Variants in MARCHF1 observed in about 807,000 individuals in gnomAD.
MARCHF1 encodes membrane associated ring-CH-type finger 1.
MARCHF1 carries 40 observed loss-of-function variants against 54.2 expected under a neutral mutation model. The observed-to-expected ratio is 0.74, with a 90% CI of 0.57 to 0.96. MARCHF1 has a LOEUF of 0.96. MARCHF1 is among the 40% of genes least tolerant of loss of function. The pLI is 0.00. For missense variants in MARCHF1, 586 were observed against 656.5 expected (o/e 0.89, Z 1.17); for synonymous variants, 236 against 236.3 (o/e 1.00, Z 0.01).
At chr4:163,593,500 C>T (rs1740658737) in intron 7 of MARCHF1, among the ~76,000 whole-genome samples, 1 of 152,114 alleles carries the variant, frequency 6.6e-6, no homozygotes, top group South Asian at 2.1e-4. Flanking sequence ...AAAAATTATG[C>T]AGTTATAACC....
chr4:163,782,604 G>T (rs1330739199), intron 4 of MARCHF1, among the ~76,000 whole-genome samples: 1 of 150,644 alleles, frequency 6.6e-6, no homozygotes, highest in Non-Finnish European at 1.5e-5. Context: ...GGGAGGGAGA[G>T]GTTGCAGGGA....
chr4:163,753,540 T>G (rs1013805082), intron 4 of MARCHF1, among the ~76,000 whole-genome samples: 2 of 151,942 alleles, frequency 1.3e-5, no homozygotes, highest in African/African-American at 4.8e-5. Flanking sequence ...AAACCTGGGA[T>G]GGGGGGTGAG....
rs116777335 is a variant in MARCHF1, at chr4:164,204,609, G to C, written c.-322-92947C>G. Among the ~76,000 whole-genome samples, 484 of 152,294 alleles carry C rather than the reference G, an allele frequency of 3.2e-3. 1 individual carries two copies. Among genetic ancestry groups the C allele is most frequent in the African/African-American group, 0.011 (459 of 41,566 alleles). On this transcript the variant is annotated intron_variant, in intron 1 of 9. Transcript: ENST00000514618. Reference sequence around the variant, plus strand: ...CTAACCATTTTGTGTGAAAAACTTTGTGCCTAATGAAATATGCAAGAAGCT... The same window carrying C: ...CTAACCATTTTGTGTGAAAAACTTTCTGCCTAATGAAATATGCAAGAAGCT...
chr4:163,923,536 T>C (rs1265919377), intron 3 of MARCHF1, among the ~76,000 whole-genome samples: 1 of 152,138 alleles, frequency 6.6e-6, no homozygotes. Flanking sequence ...AGGCTAGTTA[T>C]GATACTTAGG....
chr4:163,661,774 C>T (rs1743350648), intron 5 of MARCHF1, among the ~76,000 whole-genome samples: 1 of 152,000 alleles, frequency 6.6e-6, no homozygotes, highest in African/African-American at 2.4e-5. Flanking sequence ...ATCTTCTTTC[C>T]TCTCCCTTTT....
chr4:164,109,928 A>AAAG (rs1755797836), intron 2 of MARCHF1, among the ~76,000 whole-genome samples: 1 of 149,630 alleles, frequency 6.7e-6, no homozygotes, highest in Admixed American at 6.7e-5. Flanking sequence ...AAAAAAAAAA[A>AAAG]AAAAAAAAGA....
intron 1 of MARCHF1, among the ~76,000 whole-genome samples, chr4:164,275,467 G>T (rs140618514): frequency 2.0e-5 from 3 of 152,244 alleles, no homozygotes; most frequent in Non-Finnish European, 2.9e-5. Context: ...TGGGGGAAAG[G>T]TTAAAAACCC....
chr4:164,011,616 G>T (rs2110943746), intron 2 of MARCHF1, among the ~76,000 whole-genome samples: 1 of 152,262 alleles, frequency 6.6e-6, no homozygotes, highest in East Asian at 1.9e-4. Context: ...CAAAGAAACA[G>T]TTAATAACAG....
intron 1 of MARCHF1, among the ~76,000 whole-genome samples, chr4:164,266,788 T>C (rs1007742284): frequency 2.7e-5 from 4 of 148,580 alleles, no homozygotes; most frequent in Non-Finnish European, 5.9e-5. Flanking sequence ...CATTTGTGCT[T>C]TAGTATAACA....
chr4:163,607,876 G>A (rs904267632), intron 7 of MARCHF1, among the ~76,000 whole-genome samples: 4 of 152,054 alleles, frequency 2.6e-5, no homozygotes, highest in African/African-American at 7.2e-5. Context: ...GTGGGTCCAG[G>A]AATCTGCATT....
chr4:164,110,301 G>C (rs1172786806), intron 2 of MARCHF1, among the ~76,000 whole-genome samples: 1 of 151,334 alleles, frequency 6.6e-6, no homozygotes, highest in African/African-American at 2.4e-5. Flanking sequence ...AAACCACTGG[G>C]GCACCCTTTA....
chr4:164,288,246 G>A (rs1734199230), intron 1 of MARCHF1, among the ~76,000 whole-genome samples: 1 of 151,950 alleles, frequency 6.6e-6, no homozygotes, highest in Non-Finnish European at 1.5e-5. Flanking sequence ...AAATCTTACC[G>A]CAAAAGCTAG....
At chr4:163,742,408 T>A (rs1272507841) in intron 4 of MARCHF1, among the ~76,000 whole-genome samples, 1 of 133,554 alleles carries the variant, frequency 7.5e-6, no homozygotes, top group Non-Finnish European at 1.6e-5. Flanking sequence ...CCTTCCTTCC[T>A]TCCTTCCTTC....
intron 2 of MARCHF1, among the ~76,000 whole-genome samples, chr4:164,064,634 T>C (rs1754689140): frequency 6.6e-6 from 1 of 152,204 alleles, no homozygotes; most frequent in African/African-American, 2.4e-5. Flanking sequence ...TTGGATGCCC[T>C]TTATTTCTTT....
intron 4 of MARCHF1, among the ~76,000 whole-genome samples, chr4:163,814,205 A>G (rs1748471725): frequency 6.6e-6 from 1 of 151,974 alleles, no homozygotes; most frequent in African/African-American, 2.4e-5. Flanking sequence ...TCACATTCTC[A>G]CCACCTGTTT....
At chr4:163,986,249 C>CCTTTTTTTTTTTTTTTTTTTTT (rs1752864138) in intron 3 of MARCHF1, among the ~76,000 whole-genome samples, 1 of 28,830 alleles carries the variant, frequency 3.5e-5, no homozygotes, top group Non-Finnish European at 7.7e-5. Context: ...TTAACCTCTT[C>CCTTTTTTTTTTTTTTTTTTTTT]TTTTTTTTTT....
rs535176667 is a variant in MARCHF1 at position 163,803,777 on chromosome 4, C to A, written c.111+50244G>T. ...AAAAAGGAAAATACAGTGTTTGATC[C>A]CAATAGTCAAGAGTATACTTTGGCA... On this transcript the variant is annotated intron_variant, in intron 4 of 9. Transcript: ENST00000514618. Among the ~76,000 whole-genome samples, 8 of 151,982 alleles carry A rather than the reference C, an allele frequency of 5.3e-5. No individual in the cohort carries two copies. In the South Asian group the frequency reaches 1.7e-3, roughly 32 times the overall value.
At chr4:164,382,847 C>A (rs1731414471) in intron 1 of MARCHF1, among the ~76,000 whole-genome samples, 1 of 152,112 alleles carries the variant, frequency 6.6e-6, no homozygotes, top group African/African-American at 2.4e-5. Flanking sequence ...CTTTTTTCGT[C>A]AAACCCACAG....
intron 1 of MARCHF1, among the ~76,000 whole-genome samples, chr4:164,313,622 AAATAAC>A (rs1734925054): frequency 6.6e-6 from 1 of 152,140 alleles, no homozygotes; most frequent in Non-Finnish European, 1.5e-5. Context: ...CTTCCTCCCT[AAATAAC>A]AATATTAGCA....
Sources: gnomAD v4.1 joint callset for allele counts (sites outside exome capture counted in the v4.1 genomes callset) on GRCh38, gnomAD v4.1.1 for gene constraint, MANE v1.5 for transcripts, NCBI Gene and HGNC (gene_info 2026-07-23, HGNC 2026-07-21) for gene names.